Variants in IKBKB observed in about 807,000 individuals in gnomAD.
The protein encoded by IKBKB is inhibitor of nuclear factor kappa-B kinase subunit beta.
In IKBKB, 42 loss-of-function variants were observed where a neutral mutation model predicts 113.6. The ratio of observed to expected loss-of-function variants is 0.37; its 90% CI spans 0.29 to 0.48. The LOEUF is 0.48. IKBKB is among the 20% of genes least tolerant of loss of function. IKBKB has a pLI of 0.99. For missense variants in IKBKB, 673 were observed against 939.7 expected, an observed-to-expected ratio of 0.72 and a Z score of 3.71; for synonymous variants, 296 against 361.3, an observed-to-expected ratio of 0.82 and a Z score of 2.05.
At chr8:42,318,775 T>C in intron 13 of IKBKB, 100 bp downstream of exon 13, 2 of 1,155,764 alleles carry the variant, frequency 1.7e-6, no homozygotes, top group Non-Finnish European at 2.4e-6. Context: ...GAAGCAACCG[T>C]TATGAGCAAC....
intron 19 of IKBKB, among the ~76,000 whole-genome samples, chr8:42,322,866 G>A (rs941855366): frequency 1.3e-5 from 2 of 152,110 alleles, no homozygotes; most frequent in African/African-American, 4.8e-5. Flanking sequence ...GCAGTGAGCT[G>A]TGATCATGCC....
chr8:42,286,634 T>A (rs1015501561), intron 2 of IKBKB, among the ~76,000 whole-genome samples: 12 of 152,132 alleles, frequency 7.9e-5, no homozygotes, highest in Non-Finnish European at 1.0e-4. Context: ...CCTGGCTAAT[T>A]TATGCATTTT....
intron 2 of IKBKB, chr8:42,272,507 T>C: frequency 2.3e-6 from 1 of 431,642 alleles, no homozygotes. Flanking sequence ...TATTATATGT[T>C]ATAAAACATA....
chr8:42,326,089 C>T lies in IKBKB; in HGVS notation c.2106C>T (p.Ala702=), dbSNP rs747369909. The change falls in exon 20 of 22, where the codon GCC becomes GCT. Residue 702 remains alanine, a synonymous_variant. Coordinates refer to ENST00000520810, the MANE Select transcript of IKBKB (RefSeq NM_001556.3). Reference sequence around the variant, plus strand: ...CCTCCAACAGCTTACCTGAGCCAGCCAAGAAGAGGTAGGTCCTCCTTAGCA... The same window carrying T: ...CCTCCAACAGCTTACCTGAGCCAGCTAAGAAGAGGTAGGTCCTCCTTAGCA... ...STASNSLPEP[A]KKSEELVAEA... 1.2e-6 allele frequency: 2 copies of T among 1,614,094 alleles called. No homozygotes were observed. The highest frequency in any genetic ancestry group is 1.7e-6 in the Non-Finnish European group (2 of 1,180,052).
chr8:42,304,708 C>T (rs960894963), intron 5 of IKBKB, among the ~76,000 whole-genome samples: 1 of 152,188 alleles, frequency 6.6e-6, no homozygotes, highest in East Asian at 1.9e-4. Flanking sequence ...ACTCTGTCCC[C>T]AAGGGCCCTT....
In IKBKB at chr8:42,314,361, T is replaced by A. The variant is rs138978376; in HGVS notation, c.732T>A (p.Val244=). The A allele has an allele frequency of 6.2e-7, 1 of 1,614,048 alleles. No homozygotes were observed. The highest frequency in any genetic ancestry group is 1.7e-5 in the Admixed American group (1 of 59,994). The change falls in exon 9 of 22, where the codon GTT becomes GTA. Residue 244 remains valine (V), a synonymous_variant. Coordinates refer to ENST00000520810, the MANE Select transcript of IKBKB (RefSeq NM_001556.3). ...GGCAGAAGAGTGAGGTGGACATTGT[T>A]GTTAGCGAAGACTTGAATGGAACGG... ...KVRQKSEVDI[V]VSEDLNGTVK... is the part of the protein sequence containing the mutation.
rs569930486 is a variant in IKBKB, at chr8:42,294,061, G to A, written c.388+549G>A. Among the ~76,000 whole-genome samples, 7 of 152,328 alleles carry A rather than the reference G, an allele frequency of 4.6e-5. No individual in the cohort carries two copies. In the South Asian group the frequency reaches 6.2e-4, roughly 14 times the overall value. ...TCAGTGGAGCCTCCTAGACCCTGGC[G>A]CTCACTCAGGAGGGGTCTGAGGGCT... On this transcript the variant is annotated intron_variant, in intron 5 of 21. Coordinates refer to ENST00000520810, the MANE Select transcript of IKBKB (RefSeq NM_001556.3).
Position 42,279,726 on chromosome 8 carries a change from T to C in IKBKB, c.105+7521T>C, listed in dbSNP as rs552113768. On this transcript the variant is annotated intron_variant, in intron 2 of 21. Transcript: ENST00000520810. ...GAACCCAACCTCATGCTTTTTCCAT[T>C]GTGCCTGTGGCTTCTCTGTGGTGAG... is the stretch of plus-strand genomic sequence containing the variant. Among the ~76,000 whole-genome samples the C allele has an allele frequency of 2.6e-5, 4 of 152,354 alleles. No individual in the cohort carries two copies. The South Asian group carries it at 6.2e-4, about 24-fold the overall frequency.
At chr8:42,306,627 G>A (rs1005289618) in intron 7 of IKBKB, among the ~76,000 whole-genome samples, 195 bp downstream of exon 7, 1 of 152,214 alleles carries the variant, frequency 6.6e-6, no homozygotes, top group Non-Finnish European at 1.5e-5. Flanking sequence ...GGATGTGGTC[G>A]TCTTCTCTGA....
intron 2 of IKBKB, among the ~76,000 whole-genome samples, chr8:42,280,821 C>T (rs1359917427): frequency 6.6e-6 from 1 of 152,160 alleles, no homozygotes; most frequent in Non-Finnish European, 1.5e-5. Flanking sequence ...TTCTATGAAG[C>T]AGCACGGACC....
Position 42,331,490 on chromosome 8 carries a change from C to A in IKBKB, c.*511C>A. ...CTCCCTGTCCTCTCTCACTTTACAG[C>A]TTGTGTTTCTTCTGGATTCAGCTTC... is the stretch of plus-strand genomic sequence containing the variant. On this transcript the variant is annotated 3_prime_UTR_variant, in exon 22 of 22. Transcript: ENST00000520810. 1.5e-6 allele frequency: 1 copy of A among 679,992 alleles called. No homozygotes were observed. Among genetic ancestry groups the A allele is most frequent in the Non-Finnish European group, 2.7e-6 (1 of 372,640 alleles). 42.1% of individuals were successfully genotyped at this position (679,992 alleles called of 1,614,324 possible). A position where few individuals can be genotyped will look rare whatever the true frequency, so the allele number is the denominator to read the frequency against.
intron 2 of IKBKB, among the ~76,000 whole-genome samples, chr8:42,280,275 GT>G (rs1422401847): frequency 1.8e-4 from 28 of 152,278 alleles, no homozygotes; most frequent in South Asian, 1.7e-3. Flanking sequence ...TGCTTCCCCT[GT>G]TCTTGTGGTT....
intron 1 of IKBKB, 41 bp downstream of exon 1, chr8:42,271,510 G>GGCCCCGCC (rs1490980685): frequency 4.3e-6 from 3 of 695,456 alleles, no homozygotes; most frequent in Non-Finnish European, 4.6e-6. Flanking sequence ...GCCACCTGCA[G>GGCCCCGCC]GCCCCGCCGC....
At chr8:42,272,231 G>A (rs765044169) in intron 2 of IKBKB, 26 bp downstream of exon 2, 2 of 1,613,974 alleles carry the variant, frequency 1.2e-6, no homozygotes, top group Admixed American at 1.7e-5. Context: ...AGCTTGGGGA[G>A]GGGCGGGGAG....
intron 8 of IKBKB, among the ~76,000 whole-genome samples, chr8:42,311,563 CAAAAAAA>C (rs56282608): frequency 3.5e-3 from 401 of 114,042 alleles, no homozygotes; most frequent in African/African-American, 0.015. Flanking sequence ...TCCATCTTAC[CAAAAAAA>C]AAAAAAAAGA....
intron 8 of IKBKB, among the ~76,000 whole-genome samples, chr8:42,311,877 G>A (rs187637372): frequency 1.2e-3 from 177 of 152,140 alleles, no homozygotes; most frequent in African/African-American, 4.0e-3. Flanking sequence ...ATCTATAGTG[G>A]GTTTTTTTGT....
intron 4 of IKBKB, among the ~76,000 whole-genome samples, chr8:42,292,525 A>G (rs1043779008): frequency 6.6e-6 from 1 of 152,198 alleles, no homozygotes; most frequent in African/African-American, 2.4e-5. Context: ...CAAATCTATA[A>G]TACACCCGTG....
intron 4 of IKBKB, among the ~76,000 whole-genome samples, chr8:42,293,220 T>A (rs1275539784): frequency 6.6e-6 from 1 of 152,148 alleles, no homozygotes; most frequent in East Asian, 1.9e-4. Context: ...GCTGTGAGGA[T>A]GTGAGAGCCC....
At chr8:42,290,780 C>T (rs1812457076) in intron 4 of IKBKB, among the ~76,000 whole-genome samples, 1 of 152,180 alleles carries the variant, frequency 6.6e-6, no homozygotes, top group African/African-American at 2.4e-5. Flanking sequence ...CCCAATCCAT[C>T]CGATCCACCT....
Sources: gnomAD v4.1 joint callset for allele counts (sites outside exome capture counted in the v4.1 genomes callset) on GRCh38, gnomAD v4.1.1 for gene constraint, MANE v1.5 for transcripts, NCBI Gene and HGNC (gene_info 2026-07-23, HGNC 2026-07-21) for gene names.